PRPF31: variants seen among roughly 807,000 people sequenced by gnomAD.
PRPF31 encodes the protein pre-mRNA processing factor 31.
PRPF31 carries 12 observed loss-of-function variants against 60.4 expected under a neutral mutation model. The observed-to-expected ratio is 0.20, with a 90% CI of 0.13 to 0.32. PRPF31 has a LOEUF of 0.32. PRPF31 is among the 10% of genes least tolerant of loss of function. The pLI is 1.00. For missense variants in PRPF31, 431 were observed against 687.1 expected, an observed-to-expected ratio of 0.63 and a Z score of 4.17; for synonymous variants, 287 against 287.9, an observed-to-expected ratio of 1.00 and a Z score of 0.03.
intron 11 of PRPF31, among the ~76,000 whole-genome samples, chr19:54,128,736 G>A (rs115813153): frequency 0.012 from 1,773 of 152,218 alleles, 37 homozygotes; most frequent in African/African-American, 0.041. Context: ...TGGTCCTGCA[G>A]GACCGAACTC....
chr19:54,128,450 C>T (rs2073973803), intron 11 of PRPF31, 73 bp downstream of exon 11: 5 of 1,420,256 alleles, frequency 3.5e-6, no homozygotes, highest in Admixed American at 3.9e-5. Context: ...CCTGCCACCG[C>T]CCCTCCTCTC....
intron 3 of PRPF31, among the ~76,000 whole-genome samples, chr19:54,121,217 C>T (rs1352509776): frequency 2.0e-5 from 3 of 151,476 alleles, no homozygotes; most frequent in South Asian, 2.1e-4. Flanking sequence ...GCAGGAGAAT[C>T]GCTTGAACCC....
In PRPF31 at chr19:54,131,305, A is replaced by G. The variant is rs587660871; in HGVS notation, c.1375-2A>G. ...ATCATCCTCTCTCCCTCACCTGCCC[A>G]GGGCCTGGAGATTGTGAACCCACAG... On this transcript the variant is annotated splice_acceptor_variant, in intron 13 of 13. Transcript: ENST00000321030. LOFTEE classifies it high-confidence loss of function. 2 of 1,613,864 alleles carry G rather than the reference A, an allele frequency of 1.2e-6. No homozygotes were observed. Among genetic ancestry groups the G allele is most frequent in the African/African-American group, 1.3e-5 (1 of 75,066 alleles).
rs1455942639 is a variant in PRPF31 at position 54,131,535 on chromosome 19, A to T, written c.*103A>T. The T allele has an allele frequency of 6.6e-7, 1 of 1,520,060 alleles. No homozygotes were observed. The highest frequency in any genetic ancestry group is 1.4e-5 in the African/African-American group (1 of 72,422). 94.2% of individuals were successfully genotyped at this position (1,520,060 alleles called of 1,614,324 possible). On this transcript the variant is annotated 3_prime_UTR_variant, in exon 14 of 14. Coordinates refer to ENST00000321030, the MANE Select transcript of PRPF31 (RefSeq NM_015629.4). ...TCTGGCAGGGAGAACCTGCCCTGCC[A>T]CTGGCCCCATTGCTGGGACTGCCCA...
rs1404711503 is a variant in PRPF31 at position 54,131,556 on chromosome 19, G to A, written c.*124G>A. On this transcript the variant is annotated 3_prime_UTR_variant, in exon 14 of 14. Transcript: ENST00000321030. ...TGCCACTGGCCCCATTGCTGGGACT[G>A]CCCAGGGAGGAGGCCTTGGAAGAGT... 1.9e-5 allele frequency: 28 copies of A among 1,447,630 alleles called. No homozygotes were observed. In the East Asian group the frequency reaches 6.7e-4, roughly 34 times the overall value. 89.7% of individuals were successfully genotyped at this position (1,447,630 alleles called of 1,614,324 possible).
intron 3 of PRPF31, among the ~76,000 whole-genome samples, chr19:54,121,108 A>G (rs1292628638): frequency 1.3e-5 from 2 of 152,026 alleles, no homozygotes; most frequent in African/African-American, 4.8e-5. Flanking sequence ...CCTGCCCAAC[A>G]TGGTGAAACC....
chr19:54,121,121 G>A (rs979338949), intron 3 of PRPF31, among the ~76,000 whole-genome samples: 2 of 151,912 alleles, frequency 1.3e-5, no homozygotes, highest in South Asian at 2.1e-4. Flanking sequence ...GTGAAACCCC[G>A]TCTCTACTAA....
intron 3 of PRPF31, 99 bp downstream of exon 3, chr19:54,118,732 C>T (rs1600325788): frequency 1.7e-6 from 2 of 1,204,586 alleles, no homozygotes; most frequent in East Asian, 2.3e-5. Context: ...TCCTTCTCAG[C>T]CTTTTCCAGA....
In PRPF31 at chr19:54,124,560, G is replaced by T; in HGVS notation, c.759G>T (p.Gly253=). The T allele has an allele frequency of 1.2e-6, 2 of 1,612,878 alleles. No individual in the cohort carries two copies. The highest frequency in any genetic ancestry group is 1.7e-6 in the Non-Finnish European group (2 of 1,179,844). ...CCGCCTGCAACATCATGCTGCTCGGGGCCCAGCGCAAGACGCTGTCGGGCT... is the reference window on the plus strand; with the variant it reads ...CCGCCTGCAACATCATGCTGCTCGGTGCCCAGCGCAAGACGCTGTCGGGCT... ...KMPACNIMLL[G]AQRKTLSGFS... is the part of the protein sequence containing the mutation. The change falls in exon 8 of 14, where the codon GGG becomes GGT. Residue 253 remains glycine (G), a synonymous_variant. Coordinates refer to ENST00000321030, the MANE Select transcript of PRPF31 (RefSeq NM_015629.4).
chr19:54,123,958 T>C (rs772105157), intron 7 of PRPF31, 40 bp downstream of exon 7: 1 of 1,610,302 alleles, frequency 6.2e-7, no homozygotes, highest in East Asian at 2.2e-5. Flanking sequence ...GGGGGTCTGC[T>C]GACACTGTGA....
chr19:54,116,330 G>A (rs36204089), intron 1 of PRPF31, among the ~76,000 whole-genome samples: 3 of 151,902 alleles, frequency 2.0e-5, no homozygotes, highest in South Asian at 2.1e-4. Flanking sequence ...TCAGCCTCCC[G>A]AGTAGCTGGG....
chr19:54,121,458 G>A (rs942079279), intron 3 of PRPF31, among the ~76,000 whole-genome samples: 7 of 152,156 alleles, frequency 4.6e-5, no homozygotes, highest in African/African-American at 7.2e-5. Flanking sequence ...AAACAGGAAC[G>A]GGGGAACTCC....
rs1159855943 is a variant in PRPF31 at position 54,131,569 on chromosome 19, G to A, written c.*137G>A. On this transcript the variant is annotated 3_prime_UTR_variant, in exon 14 of 14. Transcript: ENST00000321030. ...ATTGCTGGGACTGCCCAGGGAGGAG[G>A]CCTTGGAAGAGTCCGGCCTGGCCTC... 28 of 1,388,730 alleles carry A rather than the reference G, an allele frequency of 2.0e-5. No individual in the cohort carries two copies. The highest frequency in any genetic ancestry group is 2.0e-4 in the Admixed American group (10 of 50,718). 86.0% of individuals were successfully genotyped at this position (1,388,730 alleles called of 1,614,324 possible).
chr19:54,128,566 T>C (rs113561195), intron 11 of PRPF31, among the ~76,000 whole-genome samples, 189 bp downstream of exon 11: 2,286 of 147,298 alleles, frequency 0.016, 64 homozygotes, highest in African/African-American at 0.053. Context: ...TCGCGACCCT[T>C]GGAGCCTGTG....
Position 54,131,455 on chromosome 19 carries a change from G to A in PRPF31, c.*23G>A, listed in dbSNP as rs774080691. On this transcript the variant is annotated 3_prime_UTR_variant, in exon 14 of 14. Coordinates refer to ENST00000321030, the MANE Select transcript of PRPF31 (RefSeq NM_015629.4). ...TGAATGACTGCGTGTGTCCAAGGTG[G>A]CTTCCCACTGAAGGGACACAGAGGT... 1 of 1,613,688 alleles carries A rather than the reference G, an allele frequency of 6.2e-7. No individual in the cohort carries two copies. Among genetic ancestry groups the A allele is most frequent in the Admixed American group, 1.7e-5 (1 of 59,976 alleles).
chr19:54,131,259 G>A, intron 13 of PRPF31, 48 bp from the exon 14 acceptor site: 2 of 1,611,098 alleles, frequency 1.2e-6, no homozygotes, highest in Non-Finnish European at 1.7e-6. Flanking sequence ...TCACAGTTGG[G>A]GCCTTCTCCT....
chr19:54,123,190 G>A, intron 5 of PRPF31: 1 of 586,916 alleles, frequency 1.7e-6, no homozygotes, highest in Non-Finnish European at 3.0e-6. Context: ...AGAGGCTTGT[G>A]AGGCCACAGT....
rs767012452 is a variant in PRPF31 at position 54,126,524 on chromosome 19, C to T, written c.856-4C>T. 2 of 1,612,680 alleles carry T rather than the reference C, an allele frequency of 1.2e-6. No homozygotes were observed. The highest frequency in any genetic ancestry group is 1.7e-6 in the Non-Finnish European group (2 of 1,179,474). ...GATTCCACCCCCGTTTTCCGTTGCT[C>T]CAGGATCTGCGGCGGAAAGCGGCCC... On this transcript the variant is annotated splice_polypyrimidine_tract_variant and splice_region_variant and intron_variant, in intron 8 of 13. Transcript: ENST00000321030.
chr19:54,129,048 C>A lies in PRPF31; in HGVS notation c.1147-9C>A, dbSNP rs655240. The stretch of plus-strand genomic sequence containing the variant: ...CGCTGAACTGCAGGGCGCCTCCTCT[C>A]CCCCCTAGATCGAGGAGGACGCCTA... On this transcript the variant is annotated splice_polypyrimidine_tract_variant and intron_variant, in intron 11 of 13. Transcript: ENST00000321030. 1 of 1,565,514 alleles carries A rather than the reference C, an allele frequency of 6.4e-7. No homozygotes were observed. The highest frequency in any genetic ancestry group is 8.7e-7 in the Non-Finnish European group (1 of 1,155,658).
Sources: gnomAD v4.1 joint callset for allele counts (sites outside exome capture counted in the v4.1 genomes callset) on GRCh38, gnomAD v4.1.1 for gene constraint, MANE v1.5 for transcripts, NCBI Gene and HGNC (gene_info 2026-07-23, HGNC 2026-07-21) for gene names.